ALLC: variants seen among roughly 807,000 people sequenced by gnomAD.
ALLC encodes probable inactive allantoicase.
Under a neutral mutation model 45.0 loss-of-function variants are expected in ALLC, and 40 were observed. The ratio of observed to expected loss-of-function variants is 0.89; its 90% CI spans 0.69 to 1.16. ALLC has a LOEUF of 1.16. ALLC is among the 50% of genes most tolerant of loss of function. The probability of loss-of-function intolerance (pLI) is 0.00; values close to 1 mark genes in which losing one functional copy is unlikely to be tolerated. For missense variants in ALLC, 488 were observed against 493.1 expected (o/e 0.99, Z 0.10); for synonymous variants, 176 against 178.1 (o/e 0.99, Z 0.09).
At chr2:3,660,287 A>G (rs1333914007) in intron 1 of ALLC, among the ~76,000 whole-genome samples, 1 of 152,190 alleles carries the variant, frequency 6.6e-6, no homozygotes, top group Non-Finnish European at 1.5e-5. Flanking sequence ...GAGTGGAAGC[A>G]GCCTGAGGCC....
chr2:3,647,992 A>C, the ALLC span, among the ~76,000 whole-genome samples: 4 of 152,178 alleles, frequency 2.6e-5, no homozygotes, highest in Non-Finnish European at 1.5e-5. Flanking sequence ...AGTTACAGGC[A>C]GGAGAGGAGA....
chr2:3,681,812 GC>G lies in ALLC; in HGVS notation c.378+102del, dbSNP rs1372915642. 5.4e-6 allele frequency: 5 copies of G among 926,908 alleles called. No individual in the cohort carries two copies. The East Asian group carries it at 1.1e-4, about 20-fold the overall frequency. The allele number at this position is 926,908 out of a possible 1,614,324, so 57.4% of individuals were successfully genotyped here. On this transcript the variant is annotated intron_variant, in intron 6 of 11. Transcript: ENST00000252505. ...GCTGTGCAAGGCGATTCTTTGGGACGCCCAGCCCTGATGCTCCCCACATCAT... is the reference window on the plus strand; with the variant it reads ...GCTGTGCAAGGCGATTCTTTGGGACGCCAGCCCTGATGCTCCCCACATCAT...
Position 3,679,963 on chromosome 2 carries a change from AG to A in ALLC, c.268del (p.Val90CysfsTer38), listed in dbSNP as rs1667133545. 6.2e-7 allele frequency: 1 copy of A among 1,613,772 alleles called. No individual in the cohort carries two copies. The highest frequency in any genetic ancestry group is 1.1e-5 in the South Asian group (1 of 91,064). On this transcript the variant is annotated frameshift_variant, in exon 5 of 12. Transcript: ENST00000252505. LOFTEE classifies it high-confidence loss of function. Reference sequence around the variant, plus strand: ...ACTTCACGGGAGATTACGCTCCTCGAGTGTCCATTCAAGCAGCAAACTTGGA... The same window carrying A: ...ACTTCACGGGAGATTACGCTCCTCGATGTCCATTCAAGCAGCAAACTTGGA... ...SYFTGDYAPR[V>X]SIQAANLEED...
At chr2:3,695,941 G>C in intron 8 of ALLC, 69 bp downstream of exon 8, 1 of 1,454,756 alleles carries the variant, frequency 6.9e-7, no homozygotes, top group Non-Finnish European at 9.3e-7. Flanking sequence ...CCCCAATATG[G>C]TCAGAGTGAT....
chr2:3,684,704 T>A (rs1193581462), intron 7 of ALLC, among the ~76,000 whole-genome samples: 2 of 152,204 alleles, frequency 1.3e-5, no homozygotes, highest in Admixed American at 1.3e-4. Context: ...TCCAACTCCA[T>A]CCAGGTTGCT....
intron 10 of ALLC, 96 bp from the exon 11 acceptor site, chr2:3,701,416 G>T: frequency 3.6e-6 from 5 of 1,386,160 alleles, no homozygotes; most frequent in South Asian, 3.3e-5. Context: ...CTTGTTTTTT[G>T]CTGGGTTTTT....
chr2:3,676,341 G>A (rs952998108), intron 3 of ALLC, among the ~76,000 whole-genome samples: 7 of 152,202 alleles, frequency 4.6e-5, no homozygotes, highest in African/African-American at 1.7e-4. Context: ...GGGGTGCAGT[G>A]GCACGGTCAT....
chr2:3,662,791 T>C (rs1666605378), intron 1 of ALLC, among the ~76,000 whole-genome samples: 1 of 152,218 alleles, frequency 6.6e-6, no homozygotes, highest in Non-Finnish European at 1.5e-5. Flanking sequence ...CAAATTTCAG[T>C]GTCCATAAAT....
At chr2:3,678,849 G>A (rs1667099175) in intron 4 of ALLC, among the ~76,000 whole-genome samples, 2 of 152,192 alleles carry the variant, frequency 1.3e-5, no homozygotes, top group Non-Finnish European at 2.9e-5. Flanking sequence ...GAGCAATGTG[G>A]CAGGCATTAG....
chr2:3,665,087 T>G (rs1179027494), intron 1 of ALLC, among the ~76,000 whole-genome samples: 2 of 152,132 alleles, frequency 1.3e-5, no homozygotes, highest in Admixed American at 1.3e-4. Flanking sequence ...AATAACAGGT[T>G]TGATGAGTCA....
chr2:3,678,519 A>G lies in ALLC; in HGVS notation c.136A>G (p.Met46Val). ...TGAATATACGGAGTTTGGGAAATGG[A>G]TGGATGGCTGGGAGACCAGGAGGAA... ...EHEYTEFGKW[M>V]DGWETRRKRI... The change falls in exon 4 of 12, where the codon ATG becomes GTG. Residue 46 changes from methionine to valine, a missense_variant. Coordinates refer to ENST00000252505, the MANE Select transcript of ALLC (RefSeq NM_018436.4). The G allele has an allele frequency of 3.7e-6, 6 of 1,614,038 alleles. 1 individual carries two copies. The highest frequency in any genetic ancestry group is 3.4e-6 in the Non-Finnish European group (4 of 1,179,888).
chr2:3,672,141 G>A, intron 2 of ALLC, among the ~76,000 whole-genome samples: 1 of 115,424 alleles, frequency 8.7e-6, no homozygotes, highest in Non-Finnish European at 1.8e-5. Context: ...CTCTGGCTCT[G>A]GTTAGATGGG....
At chr2:3,664,980 T>C (rs1206695321) in intron 1 of ALLC, among the ~76,000 whole-genome samples, 28 of 151,944 alleles carry the variant, frequency 1.8e-4, no homozygotes, top group Admixed American at 1.7e-3. Flanking sequence ...AAAACTGTTA[T>C]GATTTTTTGA....
chr2:3,664,487 C>T (rs997462682), intron 1 of ALLC, among the ~76,000 whole-genome samples: 9 of 152,142 alleles, frequency 5.9e-5, no homozygotes, highest in African/African-American at 1.9e-4. Context: ...GAGAAGCTTG[C>T]AGGCATGGGG....
At chr2:3,682,675 G>A (rs560146348) in intron 6 of ALLC, among the ~76,000 whole-genome samples, 24 of 152,138 alleles carry the variant, frequency 1.6e-4, no homozygotes, top group Non-Finnish European at 2.6e-4. Context: ...ACAGGCGCCC[G>A]CCACCACGCC....
chr2:3,679,809 G>T (rs995599453), intron 4 of ALLC, 60 bp from the exon 5 acceptor site: 5 of 1,602,110 alleles, frequency 3.1e-6, no homozygotes, highest in African/African-American at 2.7e-5. Flanking sequence ...GCACTGCCTC[G>T]CATGCAGCAT....
chr2:3,678,446 C>A, intron 3 of ALLC, 22 bp from the exon 4 acceptor site: 1 of 1,596,554 alleles, frequency 6.3e-7, no homozygotes, highest in Non-Finnish European at 8.6e-7. Context: ...TAATGATCAC[C>A]TTGTTGTGGT....
At chr2:3,663,063 C>A (rs1666614340) in intron 1 of ALLC, among the ~76,000 whole-genome samples, 2 of 152,188 alleles carry the variant, frequency 1.3e-5, no homozygotes, top group African/African-American at 4.8e-5. Context: ...ACCCAGCAAT[C>A]CCATTACTGG....
intron 7 of ALLC, chr2:3,688,417 G>A: frequency 5.7e-6 from 1 of 175,740 alleles, no homozygotes; most frequent in Non-Finnish European, 1.2e-5. Context: ...CCAAGAAGGG[G>A]CACCCATGGT....
Sources: gnomAD v4.1 joint callset for allele counts (sites outside exome capture counted in the v4.1 genomes callset) on GRCh38, gnomAD v4.1.1 for gene constraint, MANE v1.5 for transcripts, NCBI Gene and HGNC (gene_info 2026-07-23, HGNC 2026-07-21) for gene names.